FRMD4A: variants seen among roughly 807,000 people sequenced by gnomAD.
The protein encoded by FRMD4A is FERM domain containing 4A.
A neutral mutation model predicts 129.1 loss-of-function variants in FRMD4A; 29 were observed. The ratio of observed to expected loss-of-function variants is 0.22; its 90% CI spans 0.17 to 0.31. FRMD4A has a LOEUF of 0.31. Among genes scored for constraint, FRMD4A ranks in the 10% least tolerant of loss-of-function variants. The pLI, the probability that FRMD4A is intolerant of heterozygous loss-of-function variation, is 1.00. For missense variants in FRMD4A, 1,272 were observed against 1,375.8 expected, an observed-to-expected ratio of 0.92 and a Z score of 1.19; for synonymous variants, 634 against 571.6, an observed-to-expected ratio of 1.11 and a Z score of -1.56.
intron 2 of FRMD4A, among the ~76,000 whole-genome samples, chr10:14,141,324 A>G (rs1211274936): frequency 6.6e-6 from 1 of 152,098 alleles, no homozygotes; most frequent in African/African-American, 2.4e-5. Context: ...TTTATCATCA[A>G]TTTTACAGGT....
chr10:13,884,196 TCACACACACACTCACACACA>T (rs1564971599), intron 2 of FRMD4A, among the ~76,000 whole-genome samples: 4 of 108,536 alleles, frequency 3.7e-5, no homozygotes, highest in East Asian at 5.9e-4. Context: ...ACACACACAC[TCACACACACACTCACACACA>T]CACACACACA....
intron 3 of FRMD4A, among the ~76,000 whole-genome samples, chr10:13,848,192 G>A (rs1359557252): frequency 6.6e-6 from 1 of 152,132 alleles, no homozygotes; most frequent in Non-Finnish European, 1.5e-5. Flanking sequence ...GTCTCCTATG[G>A]GGCACCATAG....
At chr10:14,065,119 A>G (rs1286789189) in intron 2 of FRMD4A, among the ~76,000 whole-genome samples, 2 of 152,150 alleles carry the variant, frequency 1.3e-5, no homozygotes, top group African/African-American at 4.8e-5. Context: ...GACGACCATT[A>G]TATCAGCAAC....
At chr10:14,283,986 T>C (rs1023418612) in intron 2 of FRMD4A, among the ~76,000 whole-genome samples, 25 of 143,164 alleles carry the variant, frequency 1.7e-4, no homozygotes, top group African/African-American at 6.1e-4. Context: ...GGTAAGTAAC[T>C]TGCTCACGGT....
chr10:14,015,134 C>CTCCT (rs556113700), intron 2 of FRMD4A, among the ~76,000 whole-genome samples: 1 of 115,288 alleles, frequency 8.7e-6, no homozygotes, highest in Non-Finnish European at 1.7e-5. Flanking sequence ...TCTTCCCTTT[C>CTCCT]TCCTTCCTTC....
intron 2 of FRMD4A, among the ~76,000 whole-genome samples, chr10:14,216,289 G>T (rs573382406): frequency 2.0e-5 from 3 of 152,062 alleles, no homozygotes; most frequent in Non-Finnish European, 4.4e-5. Flanking sequence ...GACATTTTAG[G>T]ACTCCTTGGT....
chr10:13,968,448 C>T (rs1443801215), intron 2 of FRMD4A, among the ~76,000 whole-genome samples: 1 of 152,206 alleles, frequency 6.6e-6, no homozygotes, highest in African/African-American at 2.4e-5. Context: ...ACTTTCACAT[C>T]CATCGCTTAT....
intron 2 of FRMD4A, among the ~76,000 whole-genome samples, chr10:14,044,473 A>G (rs941867328): frequency 4.6e-5 from 7 of 152,260 alleles, no homozygotes; most frequent in Non-Finnish European, 1.0e-4. Context: ...GGTGGGCCCT[A>G]AGTCCAATAT....
At chr10:13,700,872 A>C (rs2086762446) in intron 14 of FRMD4A, among the ~76,000 whole-genome samples, 1 of 148,902 alleles carries the variant, frequency 6.7e-6, no homozygotes, top group East Asian at 1.9e-4. Context: ...CATTAAAAAA[A>C]AAAAAATGGA....
At chr10:14,220,702 G>C (rs1843220543) in intron 2 of FRMD4A, among the ~76,000 whole-genome samples, 1 of 152,164 alleles carries the variant, frequency 6.6e-6, no homozygotes, top group East Asian at 1.9e-4. Context: ...ATTCAATAGA[G>C]GACCAGCAGA....
chr10:13,767,978 T>C (rs1202242689), intron 6 of FRMD4A, among the ~76,000 whole-genome samples: 1 of 152,110 alleles, frequency 6.6e-6, no homozygotes, highest in African/African-American at 2.4e-5. Flanking sequence ...CCACTGGGTG[T>C]GTACTTTAGG....
At chr10:13,722,461 G>T (rs1035655840) in intron 12 of FRMD4A, among the ~76,000 whole-genome samples, 4 of 150,820 alleles carry the variant, frequency 2.7e-5, no homozygotes, top group African/African-American at 9.8e-5. Flanking sequence ...GTCCAGGATG[G>T]TCTTGAACTC....
intron 13 of FRMD4A, among the ~76,000 whole-genome samples, chr10:13,701,936 T>G (rs2086871264): frequency 6.6e-6 from 1 of 152,186 alleles, no homozygotes; most frequent in Non-Finnish European, 1.5e-5. Context: ...ACTTCTTATA[T>G]AACTAACCCA....
At chr10:13,679,474 T>TATATATATAC (rs1308155926) in intron 15 of FRMD4A, among the ~76,000 whole-genome samples, 2 of 31,490 alleles carry the variant, frequency 6.4e-5, no homozygotes, top group Non-Finnish European at 1.0e-4. Flanking sequence ...TATATATATA[T>TATATATATAC]ACACACACAC....
At chr10:13,852,841 G>T (rs1273695506) in intron 3 of FRMD4A, among the ~76,000 whole-genome samples, 2 of 152,114 alleles carry the variant, frequency 1.3e-5, no homozygotes, top group Non-Finnish European at 2.9e-5. Context: ...ACCACGAGGT[G>T]CAGCTTAGAT....
At chr10:14,198,741 T>G (rs566990651) in intron 2 of FRMD4A, among the ~76,000 whole-genome samples, 1 of 152,320 alleles carries the variant, frequency 6.6e-6, no homozygotes, top group East Asian at 1.9e-4. Flanking sequence ...CCACGGTGCG[T>G]TATCTTATAG....
intron 2 of FRMD4A, among the ~76,000 whole-genome samples, chr10:14,224,083 C>T (rs562923794): frequency 7.2e-5 from 11 of 152,164 alleles, no homozygotes; most frequent in South Asian, 2.1e-4. Context: ...GTGGCTCTCA[C>T]AAACAGGACG....
intron 6 of FRMD4A, among the ~76,000 whole-genome samples, chr10:13,767,527 C>T (rs1452843747): frequency 6.6e-5 from 10 of 152,244 alleles, no homozygotes; most frequent in Admixed American, 6.5e-4. Context: ...GCATGAGCCT[C>T]CGTGCCCGGC....
chr10:13,959,803 C>A (rs1002388565), intron 2 of FRMD4A, among the ~76,000 whole-genome samples: 1 of 152,210 alleles, frequency 6.6e-6, no homozygotes, highest in African/African-American at 2.4e-5. Context: ...AACACGGGGT[C>A]AGCTGCAATT....
Sources: allele counts gnomAD v4.1 joint callset (sites outside exome capture counted in the v4.1 genomes callset), GRCh38; gene constraint gnomAD v4.1.1; transcripts MANE v1.5; gene names NCBI Gene and HGNC (gene_info 2026-07-23, HGNC 2026-07-21).